The following HPSE2 variants were observed in gnomAD, a reference collection of about 807,000 sequenced individuals.
HPSE2 encodes inactive heparanase-2.
In HPSE2, 38 loss-of-function variants were observed where a neutral mutation model predicts 60.5. The observed-to-expected ratio is 0.63, with a 90% confidence interval of 0.48 to 0.82. HPSE2 has a LOEUF of 0.82. Among genes scored for constraint, HPSE2 ranks in the 40% least tolerant of loss-of-function variants. HPSE2 has a pLI of 0.00. For missense variants in HPSE2, 713 were observed against 740.4 expected (o/e 0.96, Z 0.43); for synonymous variants, 295 against 293.2 (o/e 1.01, Z -0.06).
chr10:99,133,544 C>G (rs1272043309), intron 3 of HPSE2, among the ~76,000 whole-genome samples: 1 of 152,178 alleles, frequency 6.6e-6, no homozygotes, highest in Non-Finnish European at 1.5e-5. Context: ...GAGGAAAGAT[C>G]AGACAGCAAT....
At chr10:98,801,207 C>G (rs1363285639) in intron 3 of HPSE2, among the ~76,000 whole-genome samples, 1 of 152,036 alleles carries the variant, frequency 6.6e-6, no homozygotes, top group Non-Finnish European at 1.5e-5. Flanking sequence ...AAGGAACATG[C>G]CTCAACACAT....
At chr10:98,605,856 C>T (rs11189713) in intron 9 of HPSE2, among the ~76,000 whole-genome samples, 3,000 of 152,274 alleles carry the variant, frequency 0.02, 39 homozygotes, top group Non-Finnish European at 0.031. Flanking sequence ...TGTGACTGAG[C>T]GTCTTTCCCC....
At chr10:98,920,839 T>C (rs1954262007) in intron 3 of HPSE2, among the ~76,000 whole-genome samples, 1 of 152,210 alleles carries the variant, frequency 6.6e-6, no homozygotes, top group Non-Finnish European at 1.5e-5. Flanking sequence ...GCACAAGCAA[T>C]TCAGGCAGAC....
At chr10:99,195,168 A>G (rs973257577) in intron 2 of HPSE2, among the ~76,000 whole-genome samples, 5 of 152,166 alleles carry the variant, frequency 3.3e-5, no homozygotes, top group Non-Finnish European at 2.9e-5. Flanking sequence ...CATTTGATAA[A>G]TTCAACATCC....
At chr10:98,555,979 G>A (rs139406159) in intron 9 of HPSE2, among the ~76,000 whole-genome samples, 107 of 152,244 alleles carry the variant, frequency 7.0e-4, no homozygotes, top group African/African-American at 2.4e-3. Flanking sequence ...TCTAAAAGGT[G>A]GAAGTGGAGA....
At chr10:99,110,446 A>G (rs1341014317) in intron 3 of HPSE2, among the ~76,000 whole-genome samples, 1 of 152,206 alleles carries the variant, frequency 6.6e-6, no homozygotes, top group East Asian at 1.9e-4. Context: ...AACACAGATT[A>G]TGACTTGAAT....
At chr10:99,182,027 G>C (rs974453475) in intron 2 of HPSE2, among the ~76,000 whole-genome samples, 3 of 152,158 alleles carry the variant, frequency 2.0e-5, no homozygotes, top group African/African-American at 7.2e-5. Flanking sequence ...TAAACCTCCT[G>C]ACACCTTAAT....
chr10:98,803,669 C>G (rs895817044), intron 3 of HPSE2, among the ~76,000 whole-genome samples: 1 of 150,766 alleles, frequency 6.6e-6, no homozygotes, highest in African/African-American at 2.5e-5. Context: ...CTGTTCTGTT[C>G]CATTGATCTA....
chr10:99,190,099 A>T (rs1461942932), intron 2 of HPSE2, among the ~76,000 whole-genome samples: 1 of 152,186 alleles, frequency 6.6e-6, no homozygotes, highest in African/African-American at 2.4e-5. Flanking sequence ...CCATGTAGTG[A>T]CTTATCTAAA....
chr10:99,024,719 T>C (rs1455830943), intron 3 of HPSE2, among the ~76,000 whole-genome samples: 1 of 152,146 alleles, frequency 6.6e-6, no homozygotes, highest in African/African-American at 2.4e-5. Flanking sequence ...ATAGCAGGCT[T>C]TTCAGTGGAA....
the HPSE2 span, among the ~76,000 whole-genome samples, chr10:99,280,290 T>C: frequency 6.6e-6 from 1 of 152,144 alleles, no homozygotes; most frequent in Non-Finnish European, 1.5e-5. Flanking sequence ...GGATTCAGTA[T>C]GGGTAATAAC....
chr10:98,773,738 C>A (rs551424837), intron 3 of HPSE2, among the ~76,000 whole-genome samples: 2 of 152,054 alleles, frequency 1.3e-5, no homozygotes, highest in African/African-American at 4.8e-5. Context: ...TAAATCTATA[C>A]GATGAAATTC....
intron 6 of HPSE2, among the ~76,000 whole-genome samples, chr10:98,680,726 A>ATG (rs1947762257): frequency 6.6e-6 from 1 of 152,140 alleles, no homozygotes; most frequent in African/African-American, 2.4e-5. Context: ...AAGCACTTGT[A>ATG]TGATTGAGCT....
chr10:98,510,072 A>G (rs1454299887), intron 9 of HPSE2, among the ~76,000 whole-genome samples: 1 of 152,200 alleles, frequency 6.6e-6, no homozygotes, highest in Non-Finnish European at 1.5e-5. Flanking sequence ...AAGTAATAAT[A>G]TTAACTCACG....
chr10:98,631,188 T>C (rs947824379), intron 7 of HPSE2, among the ~76,000 whole-genome samples: 2 of 152,208 alleles, frequency 1.3e-5, no homozygotes, highest in African/African-American at 4.8e-5. Context: ...TTCTGTGACA[T>C]TTTTAGGATT....
In HPSE2 at chr10:99,013,159, T is replaced by C. The variant is rs1281087094; in HGVS notation, c.610+131079A>G. Reference sequence around the variant, plus strand: ...AGTCCTTGGCACAATCCCTCACCAGTTAGAGAACAGCATGCCTGGATATGC... The same window carrying C: ...AGTCCTTGGCACAATCCCTCACCAGCTAGAGAACAGCATGCCTGGATATGC... On this transcript the variant is annotated intron_variant, in intron 3 of 11. Coordinates refer to ENST00000370552, the MANE Select transcript of HPSE2 (RefSeq NM_021828.5). 1.3e-5 allele frequency: 9 copies of C among 673,822 alleles called. No individual in the cohort carries two copies. The East Asian group carries it at 2.2e-4, about 16-fold the overall frequency. The allele number at this position is 673,822 out of a possible 1,614,324, so 41.7% of individuals were successfully genotyped here.
intron 9 of HPSE2, among the ~76,000 whole-genome samples, chr10:98,581,344 C>G (rs973243619): frequency 6.6e-6 from 1 of 152,084 alleles, no homozygotes. Context: ...ATGATCAAAA[C>G]CAATTTTTAC....
chr10:98,470,339 T>C (rs1343733446), intron 11 of HPSE2, among the ~76,000 whole-genome samples: 1 of 152,090 alleles, frequency 6.6e-6, no homozygotes, highest in Non-Finnish European at 1.5e-5. Context: ...AAGTGTGGGG[T>C]GACTCTGAAT....
At chr10:99,273,325 C>T in the HPSE2 span, among the ~76,000 whole-genome samples, 1 of 152,140 alleles carries the variant, frequency 6.6e-6, no homozygotes, top group African/African-American at 2.4e-5. Flanking sequence ...GTACACTGTT[C>T]AGGTGATGGT....
Sources: gnomAD v4.1 joint callset for allele counts (sites outside exome capture counted in the v4.1 genomes callset) on GRCh38, gnomAD v4.1.1 for gene constraint, MANE v1.5 for transcripts, NCBI Gene and HGNC (gene_info 2026-07-23, HGNC 2026-07-21) for gene names.